Variants in KIAA0232 observed in about 807,000 individuals in gnomAD.
KIAA0232 encodes the protein KIAA0232.
A neutral mutation model predicts 122.0 loss-of-function variants in KIAA0232; 27 were observed. The ratio of observed to expected loss-of-function variants is 0.22; its 90% CI spans 0.16 to 0.31. The LOEUF is 0.31. Among genes scored for constraint, KIAA0232 ranks in the 10% least tolerant of loss-of-function variants. KIAA0232 has a pLI of 1.00. For missense variants in KIAA0232, 1,551 were observed against 1,634.2 expected, an observed-to-expected ratio of 0.95 and a Z score of 0.88; for synonymous variants, 613 against 587.6, an observed-to-expected ratio of 1.04 and a Z score of -0.63.
rs141301026 is a variant in KIAA0232 at position 6,881,019 on chromosome 4, A to G, written c.*53A>G. On this transcript the variant is annotated 3_prime_UTR_variant, in exon 10 of 10. Coordinates refer to ENST00000307659, the MANE Select transcript of KIAA0232 (RefSeq NM_014743.3). The stretch of plus-strand genomic sequence containing the variant: ...TAAAAATGATATGTGATGGAAAATT[A>G]CTCTTCAGTGAGACCTGTTAATCTA... 511 of 1,281,420 alleles carry G rather than the reference A, an allele frequency of 4.0e-4. 7 individuals are homozygous for G. In the East Asian group the frequency reaches 0.015, roughly 37 times the overall value. 79.4% of individuals were successfully genotyped at this position (1,281,420 alleles called of 1,614,324 possible).
At chr4:6,865,346 C>T (rs941721671) in intron 7 of KIAA0232, among the ~76,000 whole-genome samples, 1 of 152,198 alleles carries the variant, frequency 6.6e-6, no homozygotes, top group Non-Finnish European at 1.5e-5. Context: ...GTCGCCCAGG[C>T]TTGAGTGCAG....
At chr4:6,808,136 C>T (rs748484044) in intron 2 of KIAA0232, among the ~76,000 whole-genome samples, 5 of 152,062 alleles carry the variant, frequency 3.3e-5, no homozygotes, top group Non-Finnish European at 7.4e-5. Context: ...TGTATGTTTG[C>T]ACTCTCTGGC....
rs1310068903 is a variant in KIAA0232 at position 6,841,939 on chromosome 4, G to T, written c.232-128G>T. 6.5e-6 allele frequency: 7 copies of T among 1,082,648 alleles called. No individual in the cohort carries two copies. In the African/African-American group the frequency reaches 1.1e-4, roughly 18 times the overall value. 67.1% of individuals were successfully genotyped at this position (1,082,648 alleles called of 1,614,324 possible). On this transcript the variant is annotated intron_variant, in intron 3 of 9. Coordinates refer to ENST00000307659, the MANE Select transcript of KIAA0232 (RefSeq NM_014743.3). The stretch of plus-strand genomic sequence containing the variant: ...GCCAGCTCCCTTCGTCGCAGAAATA[G>T]ACAAGCCGATCCTAAAACTCGTATG...
At chr4:6,878,541 A>G (rs776827470) in intron 9 of KIAA0232, among the ~76,000 whole-genome samples, 1 of 152,250 alleles carries the variant, frequency 6.6e-6, no homozygotes, top group Non-Finnish European at 1.5e-5. Flanking sequence ...CCTCAAGACA[A>G]TTACAGTCCT....
At chr4:6,790,239 A>G (rs548784295) in intron 1 of KIAA0232, among the ~76,000 whole-genome samples, 4 of 152,032 alleles carry the variant, frequency 2.6e-5, no homozygotes, top group African/African-American at 9.6e-5. Flanking sequence ...GGCTTTCTCC[A>G]TATCTGTCTC....
At chr4:6,871,767 C>T (rs1389969495) in intron 8 of KIAA0232, 85 bp downstream of exon 8, 16 of 829,886 alleles carry the variant, frequency 1.9e-5, no homozygotes, top group South Asian at 9.3e-5. Context: ...GAATATCAGT[C>T]CAAGAAACAT....
Position 6,884,005 on chromosome 4 carries a change from G to C in KIAA0232, c.*3039G>C, listed in dbSNP as rs1722192616. ...ATAATTATTTTTATAGCTGTATTAT[G>C]TAGATTTAACAGGTTCCTCATTGAT... is the stretch of plus-strand genomic sequence containing the variant. On this transcript the variant is annotated 3_prime_UTR_variant, in exon 10 of 10. Transcript: ENST00000307659. 1 of 152,140 alleles carries C rather than the reference G, an allele frequency of 6.6e-6. No homozygotes were observed. The highest frequency in any genetic ancestry group is 1.5e-5 in the Non-Finnish European group (1 of 68,018). The allele number at this position is 152,140 out of a possible 1,614,324, so 9.4% of individuals were successfully genotyped here. A position where few individuals can be genotyped will look rare whatever the true frequency, so the allele number is the denominator to read the frequency against.
chr4:6,843,928 T>C (rs905769170), intron 4 of KIAA0232, among the ~76,000 whole-genome samples: 1 of 32,024 alleles, frequency 3.1e-5, no homozygotes, highest in African/African-American at 1.5e-4. Context: ...GTTACCCATC[T>C]TTTTTTTTTT....
In KIAA0232 at chr4:6,862,077, A is replaced by G; in HGVS notation, c.1695A>G (p.Ala565=). ...GTATGGAGTTGCAAGGGGAACGTGCAATATGGACAGATTCTACCAGCTCCG... is the reference window on the plus strand; with the variant it reads ...GTATGGAGTTGCAAGGGGAACGTGCGATATGGACAGATTCTACCAGCTCCG... ...LDGMELQGER[A]IWTDSTSSVG... The change falls in exon 7 of 10, where the codon GCA becomes GCG. Residue 565 remains alanine, a synonymous_variant. Transcript: ENST00000307659. 1 of 1,614,230 alleles carries G rather than the reference A, an allele frequency of 6.2e-7. No homozygotes were observed. Among genetic ancestry groups the G allele is most frequent in the Non-Finnish European group, 8.5e-7 (1 of 1,180,046 alleles).
intron 2 of KIAA0232, among the ~76,000 whole-genome samples, chr4:6,823,024 T>C (rs373017218): frequency 4.0e-3 from 607 of 150,310 alleles, no homozygotes; most frequent in African/African-American, 0.014. Context: ...TGAGAATATG[T>C]GGTGTTTGGT....
chr4:6,853,466 A>G (rs1019492579), intron 4 of KIAA0232, among the ~76,000 whole-genome samples: 1 of 152,172 alleles, frequency 6.6e-6, no homozygotes, highest in Non-Finnish European at 1.5e-5. Context: ...TGATAGGTAA[A>G]TGATTTATGT....
At chr4:6,812,289 C>T (rs925205422) in intron 2 of KIAA0232, among the ~76,000 whole-genome samples, 2 of 152,066 alleles carry the variant, frequency 1.3e-5, no homozygotes, top group South Asian at 2.1e-4. Flanking sequence ...ATTTGCACAC[C>T]GGCTCCATGA....
At chr4:6,865,431 C>T (rs1245261285) in intron 7 of KIAA0232, among the ~76,000 whole-genome samples, 3 of 152,224 alleles carry the variant, frequency 2.0e-5, no homozygotes, top group Non-Finnish European at 2.9e-5. Flanking sequence ...TCCCAAGTAG[C>T]TGGGATTAAA....
intron 4 of KIAA0232, among the ~76,000 whole-genome samples, chr4:6,849,461 T>C (rs1295494403): frequency 6.6e-6 from 1 of 152,060 alleles, no homozygotes; most frequent in Admixed American, 6.5e-5. Flanking sequence ...ACTAAAAATA[T>C]AAAAATTAAC....
chr4:6,849,795 ACTAAGGAAAAGGAAC>A (rs1720176912), intron 4 of KIAA0232, among the ~76,000 whole-genome samples: 2 of 152,098 alleles, frequency 1.3e-5, no homozygotes, highest in Non-Finnish European at 1.5e-5. Flanking sequence ...ATTTCTATTT[ACTAAGGAAAAGGAAC>A]CTAAGGAAGG....
At chr4:6,784,039 G>T (rs1305131591) in intron 1 of KIAA0232, among the ~76,000 whole-genome samples, 1 of 152,094 alleles carries the variant, frequency 6.6e-6, no homozygotes, top group African/African-American at 2.4e-5. Context: ...GAACTGTCTT[G>T]ATTTCTTTTT....
chr4:6,817,914 G>A (rs1360265464), intron 2 of KIAA0232, among the ~76,000 whole-genome samples: 1 of 152,082 alleles, frequency 6.6e-6, no homozygotes, highest in African/African-American at 2.4e-5. Flanking sequence ...TTATCATTAT[G>A]AATTGACCTT....
rs1189410744 is a variant in KIAA0232, at chr4:6,835,877, AT to A, written c.232-6187del. ...TTTATCCAGTCTATTATTGATGGAC[AT>A]TTGGGTTGGTTCCATGTCTTTGCTA... On this transcript the variant is annotated intron_variant, in intron 3 of 9. Transcript: ENST00000307659. Among the ~76,000 whole-genome samples, 324 of 152,296 alleles carry A rather than the reference AT, an allele frequency of 2.1e-3. 2 individuals carry two copies. The highest frequency in any genetic ancestry group is 7.3e-3 in the African/African-American group (303 of 41,554).
chr4:6,852,177 G>T (rs1720322670), intron 4 of KIAA0232, among the ~76,000 whole-genome samples: 1 of 152,044 alleles, frequency 6.6e-6, no homozygotes, highest in African/African-American at 2.4e-5. Context: ...CTGGAGACAG[G>T]CCAATTTTTT....
Sources: allele counts gnomAD v4.1 joint callset (sites outside exome capture counted in the v4.1 genomes callset), GRCh38; gene constraint gnomAD v4.1.1; transcripts MANE v1.5; gene names NCBI Gene and HGNC (gene_info 2026-07-23, HGNC 2026-07-21).